Variants in HMGCLL1 observed in about 807,000 individuals in gnomAD.
HMGCLL1 encodes the protein 3-hydroxymethyl-3-methylglutaryl-CoA lyase, cytoplasmic.
In HMGCLL1, 36 loss-of-function variants were observed where a neutral mutation model predicts 39.1. The ratio of observed to expected loss-of-function variants is 0.92; its 90% CI spans 0.71 to 1.22. The LOEUF is 1.22. Ranked by LOEUF, HMGCLL1 falls within the 50% of genes most tolerant of loss-of-function variation. The probability of loss-of-function intolerance (pLI) is 0.00; values close to 1 mark genes in which losing one functional copy is unlikely to be tolerated. For missense variants in HMGCLL1, 451 were observed against 416.5 expected (o/e 1.08, Z -0.72); for synonymous variants, 149 against 144.0 (o/e 1.03, Z -0.25).
At chr6:55,439,789 T>C (rs1763522129) in intron 7 of HMGCLL1, 1 of 378,016 alleles carries the variant, frequency 2.6e-6, no homozygotes, top group Non-Finnish European at 4.7e-6. Context: ...GGAGCTAGAA[T>C]AATCTTTGAT....
At chr6:55,472,907 T>C (rs1467829217) in intron 7 of HMGCLL1, among the ~76,000 whole-genome samples, 1 of 151,490 alleles carries the variant, frequency 6.6e-6, no homozygotes, top group Non-Finnish European at 1.5e-5. Flanking sequence ...TTTTACCTCA[T>C]GAATTTTGAT....
At chr6:55,521,984 C>A (rs1451370359) in intron 3 of HMGCLL1, among the ~76,000 whole-genome samples, 1 of 151,966 alleles carries the variant, frequency 6.6e-6, no homozygotes, top group Non-Finnish European at 1.5e-5. Flanking sequence ...CTGGTTTACA[C>A]ACAGATAATA....
chr6:55,501,656 A>G (rs1766899695), intron 5 of HMGCLL1, among the ~76,000 whole-genome samples: 1 of 151,944 alleles, frequency 6.6e-6, no homozygotes, highest in Admixed American at 6.6e-5. Context: ...GCTTTAAAAA[A>G]GATAAACACT....
chr6:55,549,024 G>A (rs1770154923), intron 1 of HMGCLL1, among the ~76,000 whole-genome samples: 1 of 151,266 alleles, frequency 6.6e-6, no homozygotes, highest in South Asian at 2.1e-4. Context: ...TTTAAATGGT[G>A]GCTGTTATTT....
the HMGCLL1 span, among the ~76,000 whole-genome samples, chr6:55,626,151 G>A: frequency 3.9e-5 from 6 of 152,106 alleles, no homozygotes; most frequent in South Asian, 2.1e-4. Flanking sequence ...ACCTGATGGC[G>A]TGTTGATTAT....
At chr6:55,616,764 C>A in the HMGCLL1 span, among the ~76,000 whole-genome samples, 2 of 151,664 alleles carry the variant, frequency 1.3e-5, no homozygotes, top group Admixed American at 6.6e-5. Flanking sequence ...AAAAATTAAA[C>A]AAACTAGAAG....
chr6:55,570,965 A>T (rs576806546), intron 1 of HMGCLL1, among the ~76,000 whole-genome samples: 135 of 152,322 alleles, frequency 8.9e-4, no homozygotes, highest in East Asian at 4.8e-3. Flanking sequence ...GCGAAAGGGG[A>T]AACCCCTTAT....
intron 3 of HMGCLL1, among the ~76,000 whole-genome samples, chr6:55,534,519 T>C (rs1432618558): frequency 6.6e-6 from 1 of 152,188 alleles, no homozygotes; most frequent in Non-Finnish European, 1.5e-5. Flanking sequence ...TATGTTAGAT[T>C]AAAGCTGCTA....
intron 1 of HMGCLL1, among the ~76,000 whole-genome samples, chr6:55,552,621 T>A (rs953602071): frequency 2.6e-5 from 4 of 151,972 alleles, no homozygotes; most frequent in Non-Finnish European, 5.9e-5. Flanking sequence ...AAATAATAGG[T>A]ACAGAAAATT....
chr6:55,627,755 GC>G, the HMGCLL1 span, among the ~76,000 whole-genome samples: 3 of 145,456 alleles, frequency 2.1e-5, no homozygotes, highest in African/African-American at 5.1e-5. Flanking sequence ...GATGCTTCCT[GC>G]CCTTGAACAT....
At chr6:55,559,564 C>CA (rs1770834654) in intron 1 of HMGCLL1, among the ~76,000 whole-genome samples, 1 of 152,130 alleles carries the variant, frequency 6.6e-6, no homozygotes, top group African/African-American at 2.4e-5. Flanking sequence ...AGAGCAGGGG[C>CA]ACAAGAAGGA....
rs1769607795 is a variant in HMGCLL1 at position 55,543,159 on chromosome 6, AT to A, written c.109-1020del. On this transcript the variant is annotated intron_variant, in intron 1 of 8. Coordinates refer to ENST00000274901, the MANE Select transcript of HMGCLL1 (RefSeq NM_001042406.2). ...TGATATATTATATATTATATATATT[AT>A]ATATATAATATATAATATATAATAT... is the stretch of plus-strand genomic sequence containing the variant. Among the ~76,000 whole-genome samples, 9 of 5,848 alleles carry A rather than the reference AT, an allele frequency of 1.5e-3. 2 individuals are homozygous for A. Among genetic ancestry groups the A allele is most frequent in the African/African-American group, 2.0e-3 (6 of 2,950 alleles). The allele number at this position is 5,848 out of a possible 152,430, so 3.8% of individuals were successfully genotyped here.
At chr6:55,505,434 C>T (rs1044473899) in intron 5 of HMGCLL1, among the ~76,000 whole-genome samples, 1 of 151,604 alleles carries the variant, frequency 6.6e-6, no homozygotes, top group Non-Finnish European at 1.5e-5. Flanking sequence ...ATGTGGAATA[C>T]ACCTTTCTGT....
chr6:55,644,448 G>T, the HMGCLL1 span, among the ~76,000 whole-genome samples: 1 of 152,006 alleles, frequency 6.6e-6, no homozygotes, highest in South Asian at 2.1e-4. Context: ...GTGCTTGTGG[G>T]TTATTATTCA....
At chr6:55,575,337 C>A (rs1771710526) in intron 1 of HMGCLL1, among the ~76,000 whole-genome samples, 1 of 151,924 alleles carries the variant, frequency 6.6e-6, no homozygotes, top group African/African-American at 2.4e-5. Flanking sequence ...CATATTTATT[C>A]TTTTTATATT....
chr6:55,445,794 T>G (rs1763802652), intron 7 of HMGCLL1, among the ~76,000 whole-genome samples: 1 of 152,068 alleles, frequency 6.6e-6, no homozygotes, highest in South Asian at 2.1e-4. Context: ...TGAAGAAAAG[T>G]CCATTTTTAG....
chr6:55,537,488 T>A (rs1581915224), intron 3 of HMGCLL1, among the ~76,000 whole-genome samples: 1 of 152,202 alleles, frequency 6.6e-6, no homozygotes, highest in East Asian at 1.9e-4. Flanking sequence ...ATCTTCAGAA[T>A]AAAGGCTAGT....
rs185872485 is a variant in HMGCLL1 at position 55,485,793 on chromosome 6, C to T, written c.795+9626G>A. Among the ~76,000 whole-genome samples, 605 of 151,870 alleles carry T rather than the reference C, an allele frequency of 4.0e-3. 7 individuals carry two copies. The highest frequency in any genetic ancestry group is 0.014 in the African/African-American group (568 of 41,472). On this transcript the variant is annotated intron_variant, in intron 7 of 8. Coordinates refer to ENST00000274901, the MANE Select transcript of HMGCLL1 (RefSeq NM_001042406.2). ...ACATTTTATATTATAATATAATCTA[C>T]AAGTGAGGTTTGCTGAATTTAGCAA... is the stretch of plus-strand genomic sequence containing the variant.
chr6:55,495,723 A>C, intron 6 of HMGCLL1, 116 bp from the exon 7 acceptor site: 1 of 592,234 alleles, frequency 1.7e-6, no homozygotes, highest in Non-Finnish European at 2.8e-6. Context: ...AGTAATGTCC[A>C]TGAAAAATAT....
Sources: gnomAD v4.1 joint callset for allele counts (sites outside exome capture counted in the v4.1 genomes callset) on GRCh38, gnomAD v4.1.1 for gene constraint, MANE v1.5 for transcripts, NCBI Gene and HGNC (gene_info 2026-07-23, HGNC 2026-07-21) for gene names.